LAD1: variants seen among roughly 807,000 people sequenced by gnomAD.
LAD1 encodes the protein ladinin-1.
Under a neutral mutation model 54.2 loss-of-function variants are expected in LAD1, and 53 were observed. That is an observed-to-expected ratio of 0.98 (90% CI 0.78 to 1.23). LAD1 has a LOEUF of 1.23. LAD1 is among the 50% of genes most tolerant of loss of function. LAD1 has a pLI of 0.00. For missense variants in LAD1, 637 were observed against 653.3 expected (o/e 0.98, Z 0.27); for synonymous variants, 231 against 257.7 (o/e 0.90, Z 0.99).
At chr1:201,393,392 A>G (rs1161674123) in intron 1 of LAD1, among the ~76,000 whole-genome samples, 1 of 152,212 alleles carries the variant, frequency 6.6e-6, no homozygotes, top group African/African-American at 2.4e-5. Context: ...TGGTGGGGGT[A>G]AATGGAAACC....
intron 1 of LAD1, among the ~76,000 whole-genome samples, chr1:201,396,139 C>T (rs1343399588): frequency 6.6e-6 from 1 of 152,214 alleles, no homozygotes; most frequent in Non-Finnish European, 1.5e-5. Flanking sequence ...AACCTACAGG[C>T]CCGAACAGCT....
Position 201,386,533 on chromosome 1 carries a change from A to T in LAD1, c.828T>A (p.Asp276Glu). 6.2e-7 allele frequency: 1 copy of T among 1,608,488 alleles called. No individual in the cohort carries two copies. The highest frequency in any genetic ancestry group is 1.7e-5 in the Admixed American group (1 of 59,034). Residue 276 changes from aspartate to glutamate, a missense_variant, in exon 3 of 10, where the codon GAT becomes GAA. Physicochemically the swap from Asp to Glu is conservative, Grantham distance 45. Coordinates refer to ENST00000391967, the MANE Select transcript of LAD1 (RefSeq NM_005558.4). ...TGGCCCTCTTTGGGGCCGGCTTAGC[A>T]TCTGCAGTTGGGCTCTTCTCTGAGG... Reference protein sequence around the residue: ...ALASEKSPTADAKPAPKRATA... With the variant: ...ALASEKSPTAEAKPAPKRATA...
chr1:201,382,387 T>C, intron 8 of LAD1, 61 bp from the exon 9 acceptor site: 1 of 1,333,242 alleles, frequency 7.5e-7, no homozygotes, highest in South Asian at 1.2e-5. Context: ...GGGCTCGGGA[T>C]ACCCCAGGCC....
At chr1:201,384,895 C>T (rs1007625162) in intron 4 of LAD1, 60 bp from the exon 5 acceptor site, 21 of 1,538,678 alleles carry the variant, frequency 1.4e-5, no homozygotes, top group South Asian at 1.1e-4. Flanking sequence ...GTGGCCCCCT[C>T]GAGTGAGGAG....
Position 201,389,241 on chromosome 1 carries a change from T to TGCC in LAD1, c.98_100dup (p.Arg33dup), listed in dbSNP as rs1416405871. The TGCC allele has an allele frequency of 4.3e-6, 7 of 1,614,130 alleles. No homozygotes were observed. Among genetic ancestry groups the TGCC allele is most frequent in the Non-Finnish European group, 5.9e-6 (7 of 1,180,018 alleles). ...GTCCGTGGTGGAGCTCAGGTTGCGG[T>TGCC]GCCGCCGCCTGCGCTCGCGCTCCTG... On this transcript the variant is annotated inframe_insertion, in exon 2 of 10. Transcript: ENST00000391967.
Position 201,382,183 on chromosome 1 carries a change from G to A in LAD1, c.1548+69C>T, listed in dbSNP as rs561997899. ...CAGGCCAATTAGTGTGTGCACACGG[G>A]GACGATGGGGTCTCCCACAGTACAC... On this transcript the variant is annotated intron_variant, in intron 9 of 9. Coordinates refer to ENST00000391967, the MANE Select transcript of LAD1 (RefSeq NM_005558.4). The A allele has an allele frequency of 3.4e-5, 44 of 1,305,054 alleles. No individual in the cohort carries two copies. The South Asian group carries it at 4.8e-4, about 14-fold the overall frequency. The allele number at this position is 1,305,054 out of a possible 1,614,324, so 80.8% of individuals were successfully genotyped here.
In LAD1 at chr1:201,399,323, G is replaced by C. The variant is rs759566455; in HGVS notation, c.-17C>G. ...GACAGCCATGCTGCAGGAGCCCCGC[G>C]TGGCCGCCCGCGCCCCGCCGGCCGC... On this transcript the variant is annotated 5_prime_UTR_variant, in exon 1 of 10. Coordinates refer to ENST00000391967, the MANE Select transcript of LAD1 (RefSeq NM_005558.4). The C allele has an allele frequency of 5.9e-6, 9 of 1,530,322 alleles. No homozygotes were observed. The Admixed American group carries it at 6.0e-5, about 10-fold the overall frequency. The allele number at this position is 1,530,322 out of a possible 1,614,324, so 94.8% of individuals were successfully genotyped here.
rs2102363037 is a variant in LAD1, at chr1:201,399,308, C to T, written c.-2G>A. The stretch of plus-strand genomic sequence containing the variant: ...CCAGTCCTTCCTGCTGACAGCCATG[C>T]TGCAGGAGCCCCGCGTGGCCGCCCG... On this transcript the variant is annotated 5_prime_UTR_variant, in exon 1 of 10. Transcript: ENST00000391967. 2 of 1,539,434 alleles carry T rather than the reference C, an allele frequency of 1.3e-6. No homozygotes were observed. The highest frequency in any genetic ancestry group is 2.7e-5 in the African/African-American group (2 of 73,008).
intron 4 of LAD1, 64 bp from the exon 5 acceptor site, chr1:201,384,899 T>A (rs115871011): frequency 2.3e-5 from 34 of 1,510,456 alleles, no homozygotes; most frequent in Non-Finnish European, 3.0e-5. Context: ...CCCCCTCGAG[T>A]GAGGAGCCCA....
intron 7 of LAD1, 30 bp from the exon 8 acceptor site, chr1:201,382,769 T>C: frequency 6.5e-7 from 1 of 1,537,136 alleles, no homozygotes; most frequent in Non-Finnish European, 8.9e-7. Context: ...TCTCAGGGTT[T>C]AGGGCCCTTG....
intron 9 of LAD1, 152 bp downstream of exon 9, chr1:201,382,100 G>T: frequency 1.2e-6 from 1 of 833,588 alleles, no homozygotes. Flanking sequence ...TCTCACGGTT[G>T]GCTCAGACCA....
intron 1 of LAD1, 30 bp from the exon 2 acceptor site, chr1:201,389,333 G>A: frequency 6.2e-7 from 1 of 1,601,780 alleles, no homozygotes; most frequent in African/African-American, 1.3e-5. Flanking sequence ...GGTCAGCACA[G>A]CTGGGGAAAC....
rs772283497 is a variant in LAD1 at position 201,382,333 on chromosome 1, G to A, written c.1474-7C>T. 6.2e-7 allele frequency: 1 copy of A among 1,609,052 alleles called. No individual in the cohort carries two copies. The highest frequency in any genetic ancestry group is 8.5e-7 in the Non-Finnish European group (1 of 1,175,452). On this transcript the variant is annotated splice_polypyrimidine_tract_variant and splice_region_variant and intron_variant, in intron 8 of 9. Transcript: ENST00000391967. ...ATGATGCTTTCTGTGCCTCCTGATT[G>A]AGGGTATCAGGGTGGAGACCAGAGA...
intron 5 of LAD1, among the ~76,000 whole-genome samples, chr1:201,383,821 T>C (rs1315951168): frequency 6.6e-6 from 1 of 152,160 alleles, no homozygotes; most frequent in Admixed American, 6.5e-5. Flanking sequence ...AAGGCTCTAG[T>C]GATCTGGGCC....
At position 201,389,225 on chromosome 1, in the gene LAD1, G is replaced by A. The variant is rs1460301387; in HGVS notation, c.117C>T (p.Ser39=). Residue 39 remains serine (S), a synonymous_variant, in exon 2 of 10, where the codon TCC becomes TCT. Coordinates refer to ENST00000391967, the MANE Select transcript of LAD1 (RefSeq NM_005558.4). Reference sequence around the variant, plus strand: ...GCCTGGGAGCCTCATCGTCCGTGGTGGAGCTCAGGTTGCGGTGCCGCCGCC... The same window carrying A: ...GCCTGGGAGCCTCATCGTCCGTGGTAGAGCTCAGGTTGCGGTGCCGCCGCC... ...ERRRRHRNLS[S]TTDDEAPRLS... is the part of the protein sequence containing the mutation. 6.2e-6 allele frequency: 10 copies of A among 1,614,190 alleles called. No individual in the cohort carries two copies. The highest frequency in any genetic ancestry group is 4.4e-5 in the South Asian group (4 of 91,084).
At chr1:201,382,889 C>T (rs1456245791) in intron 7 of LAD1, 150 bp from the exon 8 acceptor site, 6 of 987,588 alleles carry the variant, frequency 6.1e-6, no homozygotes, top group African/African-American at 3.2e-5. Flanking sequence ...TCCCCTTCCC[C>T]CAGGGAGCTG....
intron 9 of LAD1, 42 bp from the exon 10 acceptor site, chr1:201,381,935 A>G (rs1206037482): frequency 1.9e-6 from 3 of 1,605,784 alleles, no homozygotes; most frequent in Middle Eastern, 3.3e-4. Context: ...ATGGGGTGTC[A>G]GGGATGGAAG....
rs373290756 is a variant in LAD1, at chr1:201,389,253, C to T, written c.89G>A (p.Arg30His). 9 of 1,614,032 alleles carry T rather than the reference C, an allele frequency of 5.6e-6. No individual in the cohort carries two copies. The highest frequency in any genetic ancestry group is 3.3e-5 in the South Asian group (3 of 91,080). The change falls in exon 2 of 10, where the codon CGC becomes CAC. Residue 30 changes from arginine to histidine, a missense_variant. By Grantham distance (29) the Arg-to-His change is conservative. Transcript: ENST00000391967. ...GCTCAGGTTGCGGTGCCGCCGCCTG[C>T]GCTCGCGCTCCTGTTCCTCCTCATC... ...LEDEEEQERE[R>H]RRRHRNLSST...
rs1190996401 is a variant in LAD1 at position 201,383,088 on chromosome 1, C to G, written c.1372G>C (p.Ala458Pro). 1 of 1,613,482 alleles carries G rather than the reference C, an allele frequency of 6.2e-7. No individual in the cohort carries two copies. Among genetic ancestry groups the G allele is most frequent in the South Asian group, 1.1e-5 (1 of 91,064 alleles). ...ELAGQSRAEP[A>P]SSRKENLRLS... ...GAGCCCCTCACCTTCCGGCTGGAGG[C>G]TGGTTCTGCTCGGCTCTGGCCCGCC... Residue 458 changes from alanine to proline, a missense_variant, in exon 7 of 10, where the codon GCC becomes CCC. By Grantham distance (27) the Ala-to-Pro change is conservative. Coordinates refer to ENST00000391967, the MANE Select transcript of LAD1 (RefSeq NM_005558.4).
Sources: allele counts gnomAD v4.1 joint callset (sites outside exome capture counted in the v4.1 genomes callset), GRCh38; gene constraint gnomAD v4.1.1; transcripts MANE v1.5; gene names NCBI Gene and HGNC (gene_info 2026-07-23, HGNC 2026-07-21).